Variants in SAMD5 observed in about 807,000 individuals in gnomAD.
The protein encoded by SAMD5 is sterile alpha motif domain-containing protein 5.
Under a neutral mutation model 11.3 loss-of-function variants are expected in SAMD5, and 13 were observed. The observed-to-expected ratio is 1.15, with a 90% CI of 0.75 to 1.83. The LOEUF (loss-of-function observed/expected upper bound fraction) is 1.83, where lower values mean the gene tolerates loss of function less well. SAMD5 is among the 40% of genes most tolerant of loss of function. The pLI is 0.00. For missense variants in SAMD5, 255 were observed against 239.1 expected (o/e 1.07, Z -0.44); for synonymous variants, 129 against 111.3 (o/e 1.16, Z -1.00).
chr6:147,835,704 C>T, the SAMD5 span, among the ~76,000 whole-genome samples: 5 of 152,068 alleles, frequency 3.3e-5, no homozygotes, highest in African/African-American at 1.2e-4. Context: ...TGGATTCTGG[C>T]AAGTTGGGGC....
chr6:147,930,155 T>C, the SAMD5 span, among the ~76,000 whole-genome samples: 1 of 152,188 alleles, frequency 6.6e-6, no homozygotes, highest in African/African-American at 2.4e-5. Flanking sequence ...TTGCTATGCC[T>C]AGTAAGAGCA....
the SAMD5 span, among the ~76,000 whole-genome samples, chr6:147,774,277 A>T: frequency 6.6e-6 from 1 of 152,318 alleles, no homozygotes; most frequent in Non-Finnish European, 1.5e-5. Flanking sequence ...TTGAGGAGGG[A>T]CATAAACATT....
At chr6:147,876,081 G>A in the SAMD5 span, among the ~76,000 whole-genome samples, 87 of 152,234 alleles carry the variant, frequency 5.7e-4, no homozygotes, top group Admixed American at 8.5e-4. Context: ...GGAGGAAGCG[G>A]GTCACTTTCA....
chr6:147,522,767 C>T (rs532421891), intron 1 of SAMD5, among the ~76,000 whole-genome samples: 2 of 152,260 alleles, frequency 1.3e-5, no homozygotes, highest in East Asian at 1.9e-4. Context: ...TTGGAAGTTT[C>T]GGTCTCTGTC....
chr6:147,909,639 T>TTTC, the SAMD5 span, among the ~76,000 whole-genome samples: 5 of 138,852 alleles, frequency 3.6e-5, no homozygotes, highest in African/African-American at 1.2e-4. Flanking sequence ...TTTCTCTTTC[T>TTTC]TGTCTTTTGT....
At chr6:147,703,935 G>A (rs112455635) in intron 1 of SAMD5, among the ~76,000 whole-genome samples, 11,752 of 151,934 alleles carry the variant, frequency 0.077, 483 homozygotes, top group Middle Eastern at 0.13. Flanking sequence ...TTGCTCTGAC[G>A]CCCAGGCTGG....
chr6:147,724,597 A>G (rs1791599743), intron 1 of SAMD5, among the ~76,000 whole-genome samples: 1 of 152,188 alleles, frequency 6.6e-6, no homozygotes, highest in East Asian at 1.9e-4. Flanking sequence ...TGCAACTGAA[A>G]AAGTCACCTT....
chr6:147,616,307 A>G (rs1269603188), intron 1 of SAMD5, among the ~76,000 whole-genome samples: 3 of 146,316 alleles, frequency 2.1e-5, no homozygotes, highest in South Asian at 2.1e-4. Flanking sequence ...TATTTCATAT[A>G]TATTTATTCA....
At chr6:147,665,984 G>C (rs1790711876) in intron 1 of SAMD5, among the ~76,000 whole-genome samples, 1 of 152,180 alleles carries the variant, frequency 6.6e-6, no homozygotes, top group South Asian at 2.1e-4. Flanking sequence ...TGTTGCCCCG[G>C]TTGGAGTGCA....
chr6:147,843,354 A>C, the SAMD5 span, among the ~76,000 whole-genome samples: 11 of 152,250 alleles, frequency 7.2e-5, 1 homozygote, highest in African/African-American at 2.7e-4. Context: ...TGACATAAAT[A>C]AATGGAAGGA....
At chr6:147,609,299 G>T (rs1031135183) in intron 1 of SAMD5, among the ~76,000 whole-genome samples, 2 of 152,178 alleles carry the variant, frequency 1.3e-5, no homozygotes, top group Admixed American at 1.3e-4. Flanking sequence ...TGAACATGAA[G>T]ATGGCCGCCT....
intron 1 of SAMD5, among the ~76,000 whole-genome samples, chr6:147,710,255 T>C (rs577626027): frequency 2.6e-5 from 4 of 152,336 alleles, no homozygotes; most frequent in African/African-American, 9.6e-5. Flanking sequence ...GTGCTCCTCC[T>C]ACCCACCCCG....
chr6:147,858,768 A>C, the SAMD5 span, among the ~76,000 whole-genome samples: 1 of 152,148 alleles, frequency 6.6e-6, no homozygotes, highest in Non-Finnish European at 1.5e-5. Flanking sequence ...TGGTGAATTC[A>C]CTTCTCATGC....
the SAMD5 span, among the ~76,000 whole-genome samples, chr6:147,887,077 A>C: frequency 6.6e-6 from 1 of 152,232 alleles, no homozygotes; most frequent in Non-Finnish European, 1.5e-5. Flanking sequence ...GCTGTTTTAA[A>C]CTGCTAAGTT....
intron 1 of SAMD5, among the ~76,000 whole-genome samples, chr6:147,543,139 T>A (rs554504962): frequency 6.6e-6 from 1 of 152,302 alleles, no homozygotes; most frequent in Admixed American, 6.5e-5. Context: ...TTTAAGCCAC[T>A]GAACCTATAT....
chr6:147,783,103 A>G, the SAMD5 span, among the ~76,000 whole-genome samples: 2 of 152,152 alleles, frequency 1.3e-5, no homozygotes, highest in Non-Finnish European at 2.9e-5. Context: ...TCTTCATATT[A>G]TTTTTTGTTT....
the SAMD5 span, among the ~76,000 whole-genome samples, chr6:147,910,743 T>C: frequency 5.3e-5 from 8 of 152,270 alleles, no homozygotes; most frequent in Admixed American, 5.2e-4. Context: ...TTTCAAAAAA[T>C]AGAAAAGAAA....
chr6:147,907,691 T>C, the SAMD5 span, among the ~76,000 whole-genome samples: 1 of 152,196 alleles, frequency 6.6e-6, no homozygotes, highest in Non-Finnish European at 1.5e-5. Flanking sequence ...CTCCCTGTGA[T>C]ATCTTGGATT....
chr6:147,822,566 A>G, the SAMD5 span, among the ~76,000 whole-genome samples: 1 of 152,204 alleles, frequency 6.6e-6, no homozygotes, highest in South Asian at 2.1e-4. Context: ...GAATTTCTCA[A>G]TGCTATGCCA....
Sources: allele counts gnomAD v4.1 joint callset (sites outside exome capture counted in the v4.1 genomes callset), GRCh38; gene constraint gnomAD v4.1.1; transcripts MANE v1.5; gene names NCBI Gene and HGNC (gene_info 2026-07-23, HGNC 2026-07-21).